ANO6: variants seen among roughly 807,000 people sequenced by gnomAD.
ANO6 encodes the protein anoctamin-6.
A neutral mutation model predicts 117.5 loss-of-function variants in ANO6; 106 were observed. The ratio of observed to expected loss-of-function variants is 0.90; its 90% CI spans 0.77 to 1.06. ANO6 has a LOEUF of 1.06. Ranked by LOEUF, ANO6 falls within the 50% of genes least tolerant of loss-of-function variation. ANO6 has a pLI of 0.00. For missense variants in ANO6, 955 were observed against 1,121.1 expected, an observed-to-expected ratio of 0.85 and a Z score of 2.12; for synonymous variants, 367 against 385.1, an observed-to-expected ratio of 0.95 and a Z score of 0.55.
Position 45,420,472 on chromosome 12 carries a change from G to A in ANO6, c.2218-599G>A, listed in dbSNP as rs546072983. ...CTCTACAAAAAATGTTTAAAGATTA[G>A]CCAGGCATGGTGGAGTGTACCTGTA... On this transcript the variant is annotated intron_variant, in intron 17 of 19. Transcript: ENST00000320560. Among the ~76,000 whole-genome samples, 132 of 148,738 alleles carry A rather than the reference G, an allele frequency of 8.9e-4. 2 individuals are homozygous for A. Among genetic ancestry groups the A allele is most frequent in the African/African-American group, 3.4e-3 (130 of 38,296 alleles).
chr12:45,275,579 T>C (rs1938529917), intron 1 of ANO6, among the ~76,000 whole-genome samples: 1 of 152,246 alleles, frequency 6.6e-6, no homozygotes, highest in Non-Finnish European at 1.5e-5. Context: ...ATTACTCATT[T>C]ATTTTTCAAT....
chr12:45,340,174 G>T (rs1940940986), intron 3 of ANO6, among the ~76,000 whole-genome samples: 2 of 152,014 alleles, frequency 1.3e-5, no homozygotes, highest in Admixed American at 6.6e-5. Context: ...CCTTAATTAT[G>T]CCAGTCTGTC....
At chr12:45,401,387 T>C (rs1592020726) in intron 12 of ANO6, among the ~76,000 whole-genome samples, 1 of 152,322 alleles carries the variant, frequency 6.6e-6, no homozygotes, top group East Asian at 1.9e-4. Flanking sequence ...AGGGATGTTT[T>C]CTTTGGTTCT....
chr12:45,228,113 T>C, intron 1 of ANO6: 1 of 406,884 alleles, frequency 2.5e-6, no homozygotes, highest in East Asian at 7.7e-5. Context: ...TCTCCTAGGC[T>C]TTTTGTGTTG....
chr12:45,409,124 A>G (rs912302716), intron 15 of ANO6, among the ~76,000 whole-genome samples: 3 of 152,250 alleles, frequency 2.0e-5, no homozygotes, highest in Admixed American at 2.0e-4. Context: ...CCATAGGGAA[A>G]AAGTAGGAGA....
intron 1 of ANO6, among the ~76,000 whole-genome samples, chr12:45,281,763 T>A: frequency 6.6e-6 from 1 of 152,216 alleles, no homozygotes; most frequent in Non-Finnish European, 1.5e-5. Flanking sequence ...AAATAACATC[T>A]GTTTGTTATC....
At chr12:45,313,861 G>T (rs1939927766) in intron 2 of ANO6, among the ~76,000 whole-genome samples, 1 of 151,994 alleles carries the variant, frequency 6.6e-6, no homozygotes. Flanking sequence ...GTACTATTTT[G>T]AGTAAGCGAC....
At chr12:45,434,181 A>G (rs947688065), downstream of ANO6, among the ~76,000 whole-genome samples, 3 of 152,238 alleles carry the variant, frequency 2.0e-5, no homozygotes, top group African/African-American at 7.2e-5. Flanking sequence ...CAGGAACTCA[A>G]GCAAGTAGAC....
chr12:45,297,584 T>G (rs1939336445), intron 1 of ANO6, among the ~76,000 whole-genome samples: 1 of 152,220 alleles, frequency 6.6e-6, no homozygotes, highest in Non-Finnish European at 1.5e-5. Flanking sequence ...CTTCCAGTGT[T>G]GCATTATTAA....
chr12:45,409,856 A>G (rs181659091), intron 16 of ANO6, among the ~76,000 whole-genome samples: 369 of 152,216 alleles, frequency 2.4e-3, no homozygotes, highest in African/African-American at 8.7e-3. Flanking sequence ...CCCAGGTTCA[A>G]GCAATTCTCC....
chr12:45,228,283 A>C (rs1592841229), intron 1 of ANO6: 1 of 322,240 alleles, frequency 3.1e-6, no homozygotes. Context: ...GGTATGCACC[A>C]GGCCCTCCTT....
chr12:45,221,943 G>A (rs1201022907), intron 1 of ANO6, among the ~76,000 whole-genome samples: 13 of 137,854 alleles, frequency 9.4e-5, no homozygotes, highest in Non-Finnish European at 9.3e-5. Flanking sequence ...GTGCAGTGGC[G>A]TGATCTCAGC....
intron 3 of ANO6, among the ~76,000 whole-genome samples, chr12:45,341,651 G>C (rs915316247): frequency 5.9e-5 from 9 of 152,196 alleles, no homozygotes; most frequent in Admixed American, 2.0e-4. Flanking sequence ...GGATAGCCAA[G>C]TGGTGTAGAA....
At chr12:45,393,919 A>C (rs1942531087) in intron 12 of ANO6, among the ~76,000 whole-genome samples, 1 of 152,250 alleles carries the variant, frequency 6.6e-6, no homozygotes, top group Non-Finnish European at 1.5e-5. Context: ...CGTCGATCCT[A>C]TGAAGAAACT....
intron 12 of ANO6, among the ~76,000 whole-genome samples, chr12:45,397,630 A>G (rs936382833): frequency 1.3e-5 from 2 of 152,218 alleles, no homozygotes; most frequent in Admixed American, 1.3e-4. Context: ...TGTGGCACAT[A>G]TACACCATGG....
At chr12:45,398,010 A>G (rs1420658675) in intron 12 of ANO6, among the ~76,000 whole-genome samples, 2 of 152,174 alleles carry the variant, frequency 1.3e-5, no homozygotes, top group East Asian at 1.9e-4. Context: ...TTTGATGACT[A>G]TATGATCTTT....
intron 2 of ANO6, among the ~76,000 whole-genome samples, chr12:45,329,452 G>T (rs1940589183): frequency 6.6e-6 from 1 of 152,096 alleles, no homozygotes; most frequent in East Asian, 1.9e-4. Flanking sequence ...AAAGGGCCAT[G>T]GTCTTGCATC....
At chr12:45,332,748 G>A (rs1303745536) in intron 3 of ANO6, among the ~76,000 whole-genome samples, 1 of 152,002 alleles carries the variant, frequency 6.6e-6, no homozygotes, top group Non-Finnish European at 1.5e-5. Context: ...CAGAAGCTCT[G>A]CCATATTCGC....
At chr12:45,394,191 C>T (rs1942542760) in intron 12 of ANO6, among the ~76,000 whole-genome samples, 1 of 152,084 alleles carries the variant, frequency 6.6e-6, no homozygotes. Context: ...GCAGGGGTTG[C>T]AATCCTAGTC....
Sources: gnomAD v4.1 joint callset for allele counts (sites outside exome capture counted in the v4.1 genomes callset) on GRCh38, gnomAD v4.1.1 for gene constraint, MANE v1.5 for transcripts, NCBI Gene and HGNC (gene_info 2026-07-23, HGNC 2026-07-21) for gene names.